NRAP: variants seen among roughly 807,000 people sequenced by gnomAD.
NRAP encodes nebulin-related-anchoring protein.
Under a neutral mutation model 225.9 loss-of-function variants are expected in NRAP, and 189 were observed. The observed-to-expected ratio is 0.84, with a 90% confidence interval of 0.74 to 0.94. NRAP has a LOEUF of 0.94. Among genes scored for constraint, NRAP ranks in the 40% least tolerant of loss-of-function variants. NRAP has a pLI of 0.00. For synonymous variants in NRAP, 769 were observed against 790.7 expected (o/e 0.97, Z 0.46); for missense variants, 2,176 against 2,168.7 (o/e 1.00, Z -0.07).
chr10:113,616,552 T>C (rs1212307688), intron 26 of NRAP, among the ~76,000 whole-genome samples: 7 of 152,224 alleles, frequency 4.6e-5, no homozygotes, highest in Non-Finnish European at 1.0e-4. Flanking sequence ...TCTGATGGGC[T>C]GATTATGAAG....
chr10:113,623,493 T>A (rs776874378), intron 23 of NRAP, 36 bp downstream of exon 23: 1 of 1,377,070 alleles, frequency 7.3e-7, no homozygotes, highest in African/African-American at 1.4e-5. Flanking sequence ...AAGGCAGGAT[T>A]CTGCGGTCTC....
chr10:113,599,154 G>A (rs1846453968), intron 35 of NRAP, among the ~76,000 whole-genome samples: 1 of 152,186 alleles, frequency 6.6e-6, no homozygotes, highest in Admixed American at 6.5e-5. Flanking sequence ...TATCACTCCA[G>A]AAATCAGCCT....
rs557653431 is a variant in NRAP at position 113,598,914 on chromosome 10, G to A, written c.4228-841C>T. Among the ~76,000 whole-genome samples the A allele has an allele frequency of 3.9e-5, 6 of 152,336 alleles. No individual in the cohort carries two copies. In the East Asian group the frequency reaches 1.2e-3, roughly 29 times the overall value. ...AAATAATAAATGGTGCTTTAAGACA[G>A]TGGGTCTGACTGGTAGCCTTCCCAA... On this transcript the variant is annotated intron_variant, in intron 35 of 41. Coordinates refer to ENST00000359988, the MANE Select transcript of NRAP (RefSeq NM_198060.4).
intron 25 of NRAP, among the ~76,000 whole-genome samples, chr10:113,618,071 C>G (rs1031458507): frequency 6.7e-6 from 1 of 150,248 alleles, no homozygotes; most frequent in Non-Finnish European, 1.5e-5. Context: ...GGAAATAATT[C>G]TTTAAAATAT....
Position 113,608,287 on chromosome 10 carries a change from C to G in NRAP, c.3702+127G>C, listed in dbSNP as rs903284455. 3 of 627,152 alleles carry G rather than the reference C, an allele frequency of 4.8e-6. No individual in the cohort carries two copies. In the African/African-American group the frequency reaches 5.5e-5, roughly 11 times the overall value. 38.8% of individuals were successfully genotyped at this position (627,152 alleles called of 1,614,324 possible). A position where few individuals can be genotyped will look rare whatever the true frequency, so the allele number is the denominator to read the frequency against. On this transcript the variant is annotated intron_variant, in intron 32 of 41. Transcript: ENST00000359988. ...AAAATGTTTAGGTTCCATATAATGA[C>G]ATTCTTTTCTTTCCAAACCTCCACA...
rs761273768 is a variant in NRAP, at chr10:113,620,641, A to T, written c.2837T>A (p.Val946Glu). Reference sequence around the variant, plus strand: ...TTCTCCTGCCTTCTTCGCCTGCTCCACATTTAATGACCCGGTGGCGACCCA... The same window carrying T: ...TTCTCCTGCCTTCTTCGCCTGCTCCTCATTTAATGACCCGGTGGCGACCCA... ...MGWVATGSLNVEQAKKAGELI... is the reference protein window; with the variant it reads ...MGWVATGSLNEEQAKKAGELI... The change falls in exon 25 of 42, where the codon GTG becomes GAG. Residue 946 changes from valine (V) to glutamate (E), a missense_variant. By Grantham distance (121) the Val-to-Glu change is moderately radical. Around this residue, in one of 3 missense-constraint regions of NRAP, gnomAD observed 1,708 missense variants for 1,695.5 expected, o/e 1.01. Coordinates refer to ENST00000359988, the MANE Select transcript of NRAP (RefSeq NM_198060.4). 5.8e-5 allele frequency: 94 copies of T among 1,613,382 alleles called. No homozygotes were observed. The highest frequency in any genetic ancestry group is 7.7e-5 in the Non-Finnish European group (91 of 1,179,762).
chr10:113,645,924 G>T lies in NRAP; in HGVS notation c.1011C>A (p.Asp337Glu). The change falls in exon 11 of 42, where the codon GAC (aspartate) becomes GAA (glutamate). Residue 337 changes from aspartate (D) to glutamate (E), a missense_variant. By Grantham distance (45) the Asp-to-Glu change is conservative. This residue lies in a region of NRAP where 1,708 missense variants were observed against 1,695.5 expected (regional missense o/e 1.01). Coordinates refer to ENST00000359988, the MANE Select transcript of NRAP (RefSeq NM_198060.4). ...ELASDIKYRQ[D>E]FNKMKGAAHY... The stretch of plus-strand genomic sequence containing the variant: ...GTGCAGCGCCTTTCATCTTATTGAA[G>T]TCCTGCCTGTATTTTATCTGAAAAA... The T allele has an allele frequency of 6.4e-7, 1 of 1,567,034 alleles. No individual in the cohort carries two copies. Among genetic ancestry groups the T allele is most frequent in the Non-Finnish European group, 8.7e-7 (1 of 1,153,274 alleles).
In NRAP at chr10:113,632,121, A is replaced by G. The variant is rs115190145; in HGVS notation, c.1633-157T>C. Among the ~76,000 whole-genome samples the G allele has an allele frequency of 5.2e-3, 786 of 152,348 alleles. 7 individuals are homozygous for G. Among genetic ancestry groups the G allele is most frequent in the African/African-American group, 0.017 (718 of 41,576 alleles). On this transcript the variant is annotated intron_variant, in intron 16 of 41. Coordinates refer to ENST00000359988, the MANE Select transcript of NRAP (RefSeq NM_198060.4). ...ATAACAGTAATTATTAACACAGTTA[A>G]TTGATTCCTTCGCTGTAGAGCTGTG...
chr10:113,649,407 A>G (rs143209356), intron 9 of NRAP, among the ~76,000 whole-genome samples: 87 of 152,370 alleles, frequency 5.7e-4, no homozygotes, highest in African/African-American at 2.0e-3. Context: ...CTTCACTTGC[A>G]ACTGTGAACA....
chr10:113,607,746 G>T (rs1847084099), intron 32 of NRAP, among the ~76,000 whole-genome samples: 1 of 152,164 alleles, frequency 6.6e-6, no homozygotes, highest in South Asian at 2.1e-4. Flanking sequence ...ACCTAAAGGT[G>T]GTTCAAAATG....
chr10:113,620,388 A>G (rs1847914683), intron 25 of NRAP, among the ~76,000 whole-genome samples: 5 of 152,146 alleles, frequency 3.3e-5, no homozygotes, highest in Admixed American at 3.3e-4. Context: ...TATTCATAAT[A>G]TCATTTGTCA....
At chr10:113,598,924 C>A (rs573044564) in intron 35 of NRAP, among the ~76,000 whole-genome samples, 13 of 152,332 alleles carry the variant, frequency 8.5e-5, no homozygotes, top group Non-Finnish European at 1.5e-4. Context: ...GTGGGTCTGA[C>A]TGGTAGCCTT....
chr10:113,628,437 C>T (rs1277814521), intron 20 of NRAP, among the ~76,000 whole-genome samples: 1 of 152,128 alleles, frequency 6.6e-6, no homozygotes, highest in Admixed American at 6.5e-5. Flanking sequence ...ATCTGCCCAC[C>T]TAGGCCTCCT....
intron 21 of NRAP, 95 bp from the exon 22 acceptor site, chr10:113,625,025 C>T: frequency 1.4e-6 from 1 of 734,082 alleles, no homozygotes; most frequent in East Asian, 2.5e-5. Flanking sequence ...TGGCACTTCT[C>T]TGACTTGCAC....
At chr10:113,593,159 C>T (rs1336797967) in intron 38 of NRAP, among the ~76,000 whole-genome samples, 3 of 152,106 alleles carry the variant, frequency 2.0e-5, no homozygotes, top group African/African-American at 4.8e-5. Context: ...GCAGGAGAGG[C>T]GCATCACCAA....
At chr10:113,597,867 C>T in intron 36 of NRAP, 102 bp downstream of exon 36, 1 of 840,408 alleles carries the variant, frequency 1.2e-6, no homozygotes, top group Non-Finnish European at 2.1e-6. Context: ...AGTCCAGTGG[C>T]CATGAGGTCC....
chr10:113,630,948 T>C (rs1247018655), intron 18 of NRAP, among the ~76,000 whole-genome samples: 2 of 152,220 alleles, frequency 1.3e-5, no homozygotes, highest in Non-Finnish European at 2.9e-5. Context: ...CTGTCTCTTC[T>C]AGCAGAACTC....
In NRAP at chr10:113,640,185, G is replaced by C. The variant is rs139531820; in HGVS notation, c.1428+42C>G. The C allele has an allele frequency of 9.5e-6, 11 of 1,158,412 alleles. No individual in the cohort carries two copies. The East Asian group carries it at 2.2e-4, about 23-fold the overall frequency. 71.8% of individuals were successfully genotyped at this position (1,158,412 alleles called of 1,614,324 possible). A position where few individuals can be genotyped will look rare whatever the true frequency, so the allele number is the denominator to read the frequency against. ...ACAAATCACTCCTCAGGAAGGAAGCGACAAGTGACAAAGCAGAAAGAGCTG... is the reference window on the plus strand; with the variant it reads ...ACAAATCACTCCTCAGGAAGGAAGCCACAAGTGACAAAGCAGAAAGAGCTG... On this transcript the variant is annotated intron_variant, in intron 14 of 41. Transcript: ENST00000359988.
chr10:113,634,216 T>G lies in NRAP; in HGVS notation c.1429-6A>C, dbSNP rs1848732535. The G allele has an allele frequency of 6.3e-7, 1 of 1,582,632 alleles. No individual in the cohort carries two copies. The highest frequency in any genetic ancestry group is 8.7e-7 in the Non-Finnish European group (1 of 1,151,628). ...ATGCTCTGCCTATAATTGGCCTAGG[T>G]AAAAACAGGCACAAAAAGATGTCAT... On this transcript the variant is annotated splice_polypyrimidine_tract_variant and splice_region_variant and intron_variant, in intron 14 of 41. Transcript: ENST00000359988.
Sources: allele counts gnomAD v4.1 joint callset (sites outside exome capture counted in the v4.1 genomes callset), GRCh38; gene constraint gnomAD v4.1.1; regional missense constraint gnomAD v4.1.1; transcripts MANE v1.5; gene names NCBI Gene and HGNC (gene_info 2026-07-23, HGNC 2026-07-21).